Variants in CPNE8 observed in about 807,000 individuals in gnomAD.
The protein encoded by CPNE8 is copine 8.
A neutral mutation model predicts 81.5 loss-of-function variants in CPNE8; 45 were observed. The ratio of observed to expected loss-of-function variants is 0.55; its 90% CI spans 0.44 to 0.71. The LOEUF (loss-of-function observed/expected upper bound fraction) is 0.71. Among genes scored for constraint, CPNE8 ranks in the 30% least tolerant of loss-of-function variants. The pLI, the probability that CPNE8 is intolerant of heterozygous loss-of-function variation, is 0.00. For missense variants in CPNE8, 594 were observed against 672.1 expected (o/e 0.88, Z 1.28); for synonymous variants, 252 against 226.3 (o/e 1.11, Z -1.02).
chr12:38,736,234 T>TGTGTGTGTG (rs60702724), intron 10 of CPNE8, among the ~76,000 whole-genome samples: 10,188 of 148,730 alleles, frequency 0.069, 554 homozygotes, highest in East Asian at 0.31. Flanking sequence ...TGTGTGTGTG[T>TGTGTGTGTG]TGTGTGTGTA....
chr12:38,808,297 T>C (rs1164142948), intron 6 of CPNE8, among the ~76,000 whole-genome samples: 1 of 152,004 alleles, frequency 6.6e-6, no homozygotes, highest in Non-Finnish European at 1.5e-5. Flanking sequence ...TAAAGACACA[T>C]GCACACGTAT....
chr12:38,821,491 G>T (rs1305133622), intron 6 of CPNE8, among the ~76,000 whole-genome samples: 1 of 152,016 alleles, frequency 6.6e-6, no homozygotes. Flanking sequence ...CCTAAACTGG[G>T]ATGCCCAAAG....
intron 6 of CPNE8, among the ~76,000 whole-genome samples, chr12:38,811,731 G>A (rs979132856): frequency 2.0e-5 from 3 of 152,110 alleles, no homozygotes; most frequent in Non-Finnish European, 2.9e-5. Context: ...AATTAGCTGG[G>A]TGTGGTGGTG....
chr12:38,904,209 A>G (rs1387765351), intron 1 of CPNE8, among the ~76,000 whole-genome samples: 1 of 152,156 alleles, frequency 6.6e-6, no homozygotes. Context: ...AAACAATCTT[A>G]GGGCAAAAAT....
intron 1 of CPNE8, among the ~76,000 whole-genome samples, chr12:38,897,562 A>G (rs541453602): frequency 2.0e-5 from 3 of 151,698 alleles, no homozygotes; most frequent in Non-Finnish European, 2.9e-5. Context: ...TATTCATGAT[A>G]TAATATTAAG....
chr12:38,882,678 C>G (rs1944178696), intron 1 of CPNE8, among the ~76,000 whole-genome samples: 1 of 152,090 alleles, frequency 6.6e-6, no homozygotes, highest in Non-Finnish European at 1.5e-5. Context: ...AAATGCCTCG[C>G]TTGCAAAAAA....
chr12:38,750,643 A>C (rs950756619), intron 10 of CPNE8, among the ~76,000 whole-genome samples: 4 of 152,198 alleles, frequency 2.6e-5, no homozygotes, highest in African/African-American at 9.7e-5. Context: ...GTTTTGGCCA[A>C]TGTCTCCCTT....
chr12:38,868,342 T>C (rs901543996), intron 3 of CPNE8, among the ~76,000 whole-genome samples: 11 of 152,250 alleles, frequency 7.2e-5, no homozygotes, highest in South Asian at 2.1e-4. Context: ...TTAAAAACTA[T>C]TAATAAAGTA....
At chr12:38,695,178 T>C (rs1263953578) in intron 14 of CPNE8, among the ~76,000 whole-genome samples, 1 of 152,204 alleles carries the variant, frequency 6.6e-6, no homozygotes, top group African/African-American at 2.4e-5. Flanking sequence ...AAACTTGCAA[T>C]TGTAAATTCT....
intron 19 of CPNE8, 52 bp from the exon 20 acceptor site, chr12:38,654,122 A>C (rs770991647): frequency 6.6e-7 from 1 of 1,519,416 alleles, no homozygotes; most frequent in Non-Finnish European, 8.8e-7. Context: ...AGGCTATGTA[A>C]TAAACACAAA....
chr12:38,765,561 T>C (rs1445747808), intron 8 of CPNE8, among the ~76,000 whole-genome samples: 2 of 152,090 alleles, frequency 1.3e-5, no homozygotes, highest in African/African-American at 4.8e-5. Flanking sequence ...AATAGTCCCA[T>C]ATTAAAAAAA....
chr12:38,662,375 AAAAG>A (rs1167432769), intron 19 of CPNE8, among the ~76,000 whole-genome samples: 1 of 152,178 alleles, frequency 6.6e-6, no homozygotes, highest in East Asian at 1.9e-4. Flanking sequence ...AACTAGCTGA[AAAAG>A]AAATCAAGAA....
rs536760842 is a variant in CPNE8, at chr12:38,806,823, G to T, written c.407+22556C>A. The stretch of plus-strand genomic sequence containing the variant: ...AGAGGAAGTCAAATTGTCCCTGTTT[G>T]CAGATGACATGCTGGTATATCTAGA... On this transcript the variant is annotated intron_variant, in intron 6 of 19. Transcript: ENST00000331366. 2.7e-3 allele frequency among the ~76,000 whole-genome samples: 400 copies of T among 149,780 alleles called. 2 individuals carry two copies. The highest frequency in any genetic ancestry group is 9.4e-3 in the African/African-American group (387 of 41,368).
chr12:38,714,547 T>A lies in CPNE8; in HGVS notation c.914+9225A>T, dbSNP rs150181984. ...AACAAAGCTCCTTTATGAATATTAT[T>A]CTTCTGTCTAGAAAATAAAACTTTT... is the stretch of plus-strand genomic sequence containing the variant. On this transcript the variant is annotated intron_variant, in intron 13 of 19. Transcript: ENST00000331366. Among the ~76,000 whole-genome samples, 445 of 152,128 alleles carry A rather than the reference T, an allele frequency of 2.9e-3. 4 individuals carry two copies. Among genetic ancestry groups the A allele is most frequent in the African/African-American group, 9.6e-3 (397 of 41,542 alleles).
At chr12:38,862,437 T>A (rs1943851490) in intron 3 of CPNE8, among the ~76,000 whole-genome samples, 1 of 152,150 alleles carries the variant, frequency 6.6e-6, no homozygotes, top group Non-Finnish European at 1.5e-5. Context: ...TTTCAAACAG[T>A]TTAAAGGGAA....
intron 6 of CPNE8, among the ~76,000 whole-genome samples, chr12:38,782,601 A>G (rs138696294): frequency 1.3e-5 from 2 of 152,266 alleles, no homozygotes; most frequent in African/African-American, 4.8e-5. Flanking sequence ...AATGAGAAAG[A>G]GGGTAAGAAA....
At chr12:38,826,357 C>A (rs1044948356) in intron 6 of CPNE8, among the ~76,000 whole-genome samples, 4 of 152,102 alleles carry the variant, frequency 2.6e-5, no homozygotes, top group African/African-American at 9.7e-5. Flanking sequence ...TCAGAATATC[C>A]TATAGATGAA....
intron 13 of CPNE8, among the ~76,000 whole-genome samples, chr12:38,719,518 G>A (rs986230521): frequency 2.7e-5 from 4 of 148,920 alleles, no homozygotes; most frequent in Non-Finnish European, 5.9e-5. Flanking sequence ...CATGAGGATT[G>A]CTTGAACCCA....
rs2136625612 is a variant in CPNE8, at chr12:38,653,057, T to C, written c.*825A>G. On this transcript the variant is annotated 3_prime_UTR_variant, in exon 20 of 20. Coordinates refer to ENST00000331366, the MANE Select transcript of CPNE8 (RefSeq NM_153634.3). ...TAGTCTTGGTTTCAGTCTTTCTAAA[T>C]AGCATTATTATATAAGGATGCTACT... The C allele has an allele frequency of 6.6e-6, 1 of 152,664 alleles. No homozygotes were observed. The highest frequency in any genetic ancestry group is 1.9e-4 in the East Asian group (1 of 5,192). The allele number at this position is 152,664 out of a possible 1,614,324, so 9.5% of individuals were successfully genotyped here. A position where few individuals can be genotyped will look rare whatever the true frequency, so the allele number is the denominator to read the frequency against.
Sources: allele counts gnomAD v4.1 joint callset (sites outside exome capture counted in the v4.1 genomes callset), GRCh38; gene constraint gnomAD v4.1.1; transcripts MANE v1.5; gene names NCBI Gene and HGNC (gene_info 2026-07-23, HGNC 2026-07-21).